The following ZNF567 variants were observed in gnomAD, a reference collection of about 807,000 sequenced individuals.
ZNF567 encodes the protein zinc finger protein 567.
A neutral mutation model predicts 53.9 loss-of-function variants in ZNF567; 36 were observed. The observed-to-expected ratio is 0.67, with a 90% CI of 0.51 to 0.88. The LOEUF (loss-of-function observed/expected upper bound fraction) is 0.88, where lower values mean the gene tolerates loss of function less well. ZNF567 is among the 40% of genes least tolerant of loss of function. The probability of loss-of-function intolerance (pLI) is 0.00; values close to 1 mark genes in which losing one functional copy is unlikely to be tolerated. For synonymous variants in ZNF567, 224 were observed against 260.4 expected (o/e 0.86, Z 1.35); for missense variants, 619 against 764.7 (o/e 0.81, Z 2.25).
intron 3 of ZNF567, among the ~76,000 whole-genome samples, chr19:36,710,711 C>A (rs889596899): frequency 6.6e-6 from 1 of 152,056 alleles, no homozygotes; most frequent in East Asian, 1.9e-4. Flanking sequence ...TGGGGGCTCA[C>A]GTCCTGCATT....
chr19:36,680,699 G>A, the ZNF567 span, among the ~76,000 whole-genome samples: 12 of 152,276 alleles, frequency 7.9e-5, no homozygotes, highest in East Asian at 1.7e-3. Flanking sequence ...GGGCTGGAGC[G>A]CTCCTAGAGA....
At chr19:36,715,304 GTGCC>G (rs1232851156) in intron 5 of ZNF567, among the ~76,000 whole-genome samples, 1 of 151,088 alleles carries the variant, frequency 6.6e-6, no homozygotes, top group South Asian at 2.1e-4. Context: ...GGGATTACAG[GTGCC>G]CACCACCATG....
At chr19:36,723,294 T>C, downstream of ZNF567, 1 of 700,474 alleles carries the variant, frequency 1.4e-6, no homozygotes, top group Non-Finnish European at 2.6e-6. Flanking sequence ...CCTTTGATTT[T>C]GCATTTCCAG....
chr19:36,719,668 G>GTAAGCC lies in ZNF567; in HGVS notation c.948_949insCCTAAG (p.Lys316_Ser317insProLys). The GTAAGCC allele has an allele frequency of 6.2e-7, 1 of 1,614,116 alleles. No homozygotes were observed. Among genetic ancestry groups the GTAAGCC allele is most frequent in the Non-Finnish European group, 8.5e-7 (1 of 1,180,026 alleles). ...AAACCCTTTGTTTGCAATGAATGTG[G>GTAAGCC]TAAGTCCTTCCGCCTCAAGACAGCC... On this transcript the variant is annotated inframe_insertion, in exon 6 of 6. Transcript: ENST00000682579.
In ZNF567 at chr19:36,719,178, C is replaced by G. The variant is rs749389488; in HGVS notation, c.454C>G (p.Leu152Val). ...KNVSELIISNLNPARKRLSEY... is the reference protein window; with the variant it reads ...KNVSELIISNVNPARKRLSEY... Reference sequence around the variant, plus strand: ...TGTTTCAGAATTAATCATCAGTAATCTAAATCCTGCAAGAAAGAGACTTAG... The same window carrying G: ...TGTTTCAGAATTAATCATCAGTAATGTAAATCCTGCAAGAAAGAGACTTAG... Residue 152 changes from leucine (L) to valine (V), a missense_variant, in exon 6 of 6, where the codon CTA (leucine) becomes GTA (valine). By Grantham distance (32) the Leu-to-Val change is conservative. Coordinates refer to ENST00000682579, the MANE Select transcript of ZNF567 (RefSeq NM_001322917.1). 2.5e-6 allele frequency: 4 copies of G among 1,613,306 alleles called. No individual in the cohort carries two copies. In the South Asian group the frequency reaches 4.4e-5, roughly 18 times the overall value.
At chr19:36,669,757 C>T in the ZNF567 span, among the ~76,000 whole-genome samples, 1 of 152,090 alleles carries the variant, frequency 6.6e-6, no homozygotes, top group Non-Finnish European at 1.5e-5. Flanking sequence ...CTTAAGGGGA[C>T]CTGGCCTCCC....
chr19:36,714,499 G>A, intron 5 of ZNF567: 2 of 398,346 alleles, frequency 5.0e-6, no homozygotes, highest in Non-Finnish European at 8.9e-6. Flanking sequence ...TCTTCATCCT[G>A]TCTTTAAAAA....
At chr19:36,706,191 A>G (rs1000257595) in intron 3 of ZNF567, among the ~76,000 whole-genome samples, 1 of 152,198 alleles carries the variant, frequency 6.6e-6, no homozygotes, top group African/African-American at 2.4e-5. Flanking sequence ...CCCTTTTACA[A>G]GGGCCTTAAT....
the ZNF567 span, among the ~76,000 whole-genome samples, chr19:36,675,053 T>G: frequency 6.6e-6 from 1 of 152,158 alleles, no homozygotes; most frequent in African/African-American, 2.4e-5. Context: ...GCAGCCGGCC[T>G]AAAAGCTTTT....
intron 3 of ZNF567, among the ~76,000 whole-genome samples, chr19:36,706,242 A>G (rs775019716): frequency 2.8e-4 from 43 of 152,168 alleles, no homozygotes; most frequent in Non-Finnish European, 5.6e-4. Context: ...TGGCCTAATC[A>G]CGTATTAAAG....
the ZNF567 span, among the ~76,000 whole-genome samples, chr19:36,676,102 T>C: frequency 3.0e-5 from 4 of 134,020 alleles, no homozygotes; most frequent in Non-Finnish European, 4.7e-5. Flanking sequence ...AGTCTCACTC[T>C]GTTGCCCAGG....
chr19:36,717,396 C>A (rs1328586147), intron 5 of ZNF567, among the ~76,000 whole-genome samples: 1 of 151,640 alleles, frequency 6.6e-6, no homozygotes, highest in Non-Finnish European at 1.5e-5. Flanking sequence ...ACCTGGAAGG[C>A]AAGCTAATTA....
chr19:36,723,207 C>T (rs1250063742), downstream of ZNF567: 22 of 702,780 alleles, frequency 3.1e-5, no homozygotes, highest in African/African-American at 5.2e-5. Context: ...GATGGCCTAA[C>T]TGGATGTTTA....
chr19:36,687,252 G>C (rs1432089736), upstream of ZNF567: 1 of 154,514 alleles, frequency 6.5e-6, no homozygotes, highest in Non-Finnish European at 1.4e-5. Flanking sequence ...GCAGGGACAG[G>C]AACACAATCA....
chr19:36,704,677 A>T (rs1391236951), intron 3 of ZNF567, among the ~76,000 whole-genome samples: 1 of 152,118 alleles, frequency 6.6e-6, no homozygotes, highest in Non-Finnish European at 1.5e-5. Context: ...GATCTAATGT[A>T]TAGTTTTTCT....
rs750394220 is a variant in ZNF567 at position 36,720,610 on chromosome 19, A to G, written c.1886A>G (p.Lys629Arg). The G allele has an allele frequency of 6.3e-7, 1 of 1,591,226 alleles. No individual in the cohort carries two copies. The highest frequency in any genetic ancestry group is 1.2e-5 in the South Asian group (1 of 86,638). Residue 629 changes from lysine to arginine, a missense_variant, in exon 6 of 6, where the codon AAG becomes AGG. Lys to Arg is a conservative substitution (Grantham distance 26). Transcript: ENST00000682579. ...CNECGKSFSY[K>R]RNLIVHQRTH... ...GAGTGTGGTAAGTCTTTCAGTTATA[A>G]GAGAAACCTCATTGTCCATCAAAGA...
chr19:36,680,959 C>T, the ZNF567 span, among the ~76,000 whole-genome samples: 1 of 152,158 alleles, frequency 6.6e-6, no homozygotes, highest in African/African-American at 2.4e-5. Context: ...ATTTCATCTG[C>T]AAAGACCCTC....
At chr19:36,690,471 G>A (rs1432583406) in intron 2 of ZNF567, among the ~76,000 whole-genome samples, 1 of 151,976 alleles carries the variant, frequency 6.6e-6, no homozygotes, top group African/African-American at 2.4e-5. Flanking sequence ...ACGCCCCTGT[G>A]GCTAGCTACT....
the ZNF567 span, among the ~76,000 whole-genome samples, chr19:36,667,644 CTT>C: frequency 6.9e-6 from 1 of 145,400 alleles, no homozygotes. Context: ...TTTCACTCAA[CTT>C]TTTTTTTTTC....
Sources: allele counts gnomAD v4.1 joint callset (sites outside exome capture counted in the v4.1 genomes callset), GRCh38; gene constraint gnomAD v4.1.1; transcripts MANE v1.5; gene names NCBI Gene and HGNC (gene_info 2026-07-23, HGNC 2026-07-21).